Variants in ERAP1 observed in about 807,000 individuals in gnomAD.
ERAP1 encodes adipocyte-derived leucine aminopeptidase.
In ERAP1, 86 loss-of-function variants were observed where a neutral mutation model predicts 103.7. The observed-to-expected ratio is 0.83, with a 90% confidence interval of 0.70 to 0.99. The LOEUF is 0.99. Ranked by LOEUF, ERAP1 falls within the 50% of genes least tolerant of loss-of-function variation. The probability of loss-of-function intolerance (pLI) is 0.00; values close to 1 mark genes in which losing one functional copy is unlikely to be tolerated. For synonymous variants in ERAP1, 398 were observed against 402.4 expected, an observed-to-expected ratio of 0.99 and a Z score of 0.13; for missense variants, 1,009 against 1,128.4, an observed-to-expected ratio of 0.89 and a Z score of 1.52.
chr5:96,886,511 A>C, the ERAP1 span: 1 of 495,550 alleles, frequency 2.0e-6, no homozygotes, highest in Non-Finnish European at 3.3e-6. Flanking sequence ...ACAGAATACT[A>C]GGAGAGGCCA....
chr5:96,913,478 A>G, the ERAP1 span: 7 of 1,612,992 alleles, frequency 4.3e-6, no homozygotes, highest in African/African-American at 6.7e-5. Context: ...ATTTTCATCC[A>G]ATGTTTGTTC....
At chr5:96,929,552 C>T in the ERAP1 span, among the ~76,000 whole-genome samples, 9 of 151,516 alleles carry the variant, frequency 5.9e-5, no homozygotes, top group African/African-American at 1.7e-4. Flanking sequence ...TGCACCCCGG[C>T]GGGAGTGTAG....
the ERAP1 span, among the ~76,000 whole-genome samples, chr5:96,815,664 G>A: frequency 4.0e-5 from 6 of 151,838 alleles, no homozygotes; most frequent in African/African-American, 9.7e-5. Context: ...CACCCACCTC[G>A]GCCTCCCAAA....
the ERAP1 span, among the ~76,000 whole-genome samples, chr5:96,931,275 G>A: frequency 6.6e-6 from 1 of 151,842 alleles, no homozygotes; most frequent in Non-Finnish European, 1.5e-5. Flanking sequence ...TCCCACCTCA[G>A]CCTCCTGAGT....
At chr5:96,872,119 T>A in the ERAP1 span, among the ~76,000 whole-genome samples, 1 of 152,280 alleles carries the variant, frequency 6.6e-6, no homozygotes, top group South Asian at 2.1e-4. Context: ...GTATTTTTAA[T>A]AGATTTATAG....
the ERAP1 span, among the ~76,000 whole-genome samples, chr5:96,858,530 G>A: frequency 2.0e-5 from 3 of 152,124 alleles, no homozygotes; most frequent in Admixed American, 6.5e-5. Context: ...AATTGTGCCC[G>A]ATAACCTTGA....
chr5:96,807,506 C>T (rs1434786898), intron 1 of ERAP1, among the ~76,000 whole-genome samples: 3 of 152,188 alleles, frequency 2.0e-5, no homozygotes, highest in African/African-American at 7.2e-5. Context: ...GGGAGGCTCC[C>T]GCCGGCCGAA....
the ERAP1 span, among the ~76,000 whole-genome samples, chr5:96,869,653 G>A: frequency 6.6e-6 from 1 of 152,218 alleles, no homozygotes; most frequent in Non-Finnish European, 1.5e-5. Flanking sequence ...GAAGACAGCT[G>A]AAGGAAACGA....
the ERAP1 span, among the ~76,000 whole-genome samples, chr5:96,847,956 T>C: frequency 6.7e-6 from 1 of 148,722 alleles, no homozygotes; most frequent in Non-Finnish European, 1.5e-5. Flanking sequence ...AGGAAGGAAA[T>C]AACAAAGATT....
the ERAP1 span, among the ~76,000 whole-genome samples, chr5:96,885,376 T>C: frequency 6.6e-6 from 1 of 152,182 alleles, no homozygotes; most frequent in Admixed American, 6.5e-5. Context: ...GAGACGGTTG[T>C]TGGGGAAAAT....
chr5:96,929,399 TTTTC>T, the ERAP1 span, among the ~76,000 whole-genome samples: 1 of 152,114 alleles, frequency 6.6e-6, no homozygotes, highest in Non-Finnish European at 1.5e-5. Context: ...TTAGATCTAC[TTTTC>T]TTTCTCCTTC....
At chr5:96,800,606 C>A (rs1250763410) in intron 3 of ERAP1, among the ~76,000 whole-genome samples, 1 of 152,134 alleles carries the variant, frequency 6.6e-6, no homozygotes, top group Non-Finnish European at 1.5e-5. Context: ...TTTCTTATAC[C>A]ACTTCCCTCC....
At chr5:96,850,731 C>T in the ERAP1 span, among the ~76,000 whole-genome samples, 476 of 152,038 alleles carry the variant, frequency 3.1e-3, 6 homozygotes, top group Admixed American at 0.022. Context: ...CATTATACCC[C>T]ATAAATATGT....
chr5:96,808,028 C>A, upstream of ERAP1: 2 of 985,458 alleles, frequency 2.0e-6, no homozygotes, highest in Non-Finnish European at 2.4e-6. Context: ...CTGGCTAAGG[C>A]GGGAGCTGGG....
chr5:96,818,087 C>T, the ERAP1 span, among the ~76,000 whole-genome samples: 23,379 of 152,044 alleles, frequency 0.15, 2,175 homozygotes, highest in Non-Finnish European at 0.22. Flanking sequence ...TAATTAAGAA[C>T]AAAAAATAAT....
rs1381931168 is a variant in ERAP1, at chr5:96,800,951, G to C, written c.574C>G (p.Pro192Ala). ...TTGAAGGCAGGTTCATCAAAGCAGG[G>C]AAAGGCCATTCTAGCTGCAGTGGGT... The part of the protein sequence containing the change: ...FEPTAARMAF[P>A]CFDEPAFKAS... Residue 192 changes from proline to alanine, a missense_variant, in exon 3 of 19, where the codon CCC (proline) becomes GCC (alanine). Around this residue, in one of 3 missense-constraint regions of ERAP1, gnomAD observed 392 missense variants for 455.2 expected, o/e 0.86. Transcript: ENST00000443439. The C allele has an allele frequency of 6.2e-7, 1 of 1,614,046 alleles. No individual in the cohort carries two copies. The highest frequency in any genetic ancestry group is 8.5e-7 in the Non-Finnish European group (1 of 1,180,020).
the ERAP1 span, chr5:96,879,736 C>T: frequency 6.2e-7 from 1 of 1,614,174 alleles, no homozygotes; most frequent in Non-Finnish European, 8.5e-7. Flanking sequence ...CAATGTTTAA[C>T]ATTCACAGAG....
chr5:96,914,895 A>G, the ERAP1 span, among the ~76,000 whole-genome samples: 1 of 151,932 alleles, frequency 6.6e-6, no homozygotes, highest in Non-Finnish European at 1.5e-5. Flanking sequence ...TTATATTGTT[A>G]TAAATTTATA....
At chr5:96,828,386 T>A in the ERAP1 span, among the ~76,000 whole-genome samples, 4 of 152,220 alleles carry the variant, frequency 2.6e-5, no homozygotes, top group Non-Finnish European at 5.9e-5. Flanking sequence ...ATAATAATAA[T>A]ATTTGCCAGT....
Sources: gnomAD v4.1 joint callset for allele counts (sites outside exome capture counted in the v4.1 genomes callset) on GRCh38, gnomAD v4.1.1 for gene constraint, gnomAD v4.1.1 regional missense constraint, MANE v1.5 for transcripts, NCBI Gene and HGNC (gene_info 2026-07-23, HGNC 2026-07-21) for gene names.